Variants in DLG2 observed in about 807,000 individuals in gnomAD.
The protein encoded by DLG2 is disks large homolog 2.
DLG2 carries 45 observed loss-of-function variants against 132.5 expected under a neutral mutation model. The observed-to-expected ratio is 0.34, with a 90% CI of 0.27 to 0.44. DLG2 has a LOEUF of 0.44. DLG2 is among the 20% of genes least tolerant of loss of function. The pLI is 1.00. For missense variants in DLG2, 1,045 were observed against 1,196.9 expected (o/e 0.87, Z 1.87); for synonymous variants, 424 against 419.6 (o/e 1.01, Z -0.13).
intron 7 of DLG2, among the ~76,000 whole-genome samples, chr11:84,439,909 C>A (rs1182755620): frequency 1.3e-5 from 2 of 152,104 alleles, no homozygotes; most frequent in Non-Finnish European, 2.9e-5. Flanking sequence ...ACTTTCAAAC[C>A]ACTGATATCA....
At chr11:83,844,809 C>T (rs532190269) in intron 16 of DLG2, among the ~76,000 whole-genome samples, 1 of 152,122 alleles carries the variant, frequency 6.6e-6, no homozygotes, top group Admixed American at 6.5e-5. Flanking sequence ...GAGATGGGCT[C>T]ATCTGGCCAT....
intron 7 of DLG2, chr11:84,316,954 G>T (rs762528558): frequency 1.2e-6 from 2 of 1,612,596 alleles, no homozygotes; most frequent in East Asian, 2.2e-5. Flanking sequence ...TGGACCCCCC[G>T]GTCCTGTTTG....
Position 84,853,627 on chromosome 11 carries a change from C to T in DLG2, c.357+258034G>A, listed in dbSNP as rs573398932. ...CTAGGTCTTAGGAATTGGAGAAAAT[C>T]AGTCCAGCAAGATAATGCTTTCCTC... On this transcript the variant is annotated intron_variant, in intron 6 of 27. Transcript: ENST00000376104. 1.5e-3 allele frequency among the ~76,000 whole-genome samples: 223 copies of T among 152,116 alleles called. 2 individuals carry two copies. The highest frequency in any genetic ancestry group is 1.3e-4 in the Non-Finnish European group (9 of 67,956).
At chr11:84,575,328 C>G (rs1042746021) in intron 6 of DLG2, among the ~76,000 whole-genome samples, 6 of 152,050 alleles carry the variant, frequency 3.9e-5, no homozygotes, top group Non-Finnish European at 7.4e-5. Context: ...ATGCCTCCCC[C>G]ACACCCCCCA....
intron 7 of DLG2, among the ~76,000 whole-genome samples, chr11:84,486,546 G>A (rs867278648): frequency 2.6e-5 from 4 of 152,014 alleles, no homozygotes; most frequent in Non-Finnish European, 4.4e-5. Context: ...ATGTTTATGC[G>A]AGTGACAAGA....
intron 18 of DLG2, among the ~76,000 whole-genome samples, chr11:83,757,813 C>T (rs1232070692): frequency 6.6e-6 from 1 of 152,058 alleles, no homozygotes; most frequent in Non-Finnish European, 1.5e-5. Context: ...ATATAACTAC[C>T]ACCCCCTTCT....
chr11:84,914,452 G>C (rs1373434016), intron 6 of DLG2, among the ~76,000 whole-genome samples: 10 of 152,178 alleles, frequency 6.6e-5, no homozygotes, highest in African/African-American at 1.9e-4. Context: ...TTAGCAAATA[G>C]ATTTCTTTCA....
chr11:85,051,509 G>A (rs1324809244), intron 6 of DLG2, among the ~76,000 whole-genome samples: 2 of 152,082 alleles, frequency 1.3e-5, no homozygotes, highest in Non-Finnish European at 2.9e-5. Flanking sequence ...TATGCTAAGG[G>A]CTGGGAATAT....
Position 83,697,051 on chromosome 11 carries a change from T to C in DLG2, c.1826-63726A>G, listed in dbSNP as rs775328149. ...AAATTTTTCTGTGGGTGAGGTCCTA[T>C]ACTAGGTGTTCAACGTAAGAATAAC... On this transcript the variant is annotated intron_variant, in intron 18 of 27. Coordinates refer to ENST00000376104, the MANE Select transcript of DLG2 (RefSeq NM_001142699.3). 2.4e-4 allele frequency among the ~76,000 whole-genome samples: 37 copies of C among 152,342 alleles called. 1 individual carries two copies. The highest frequency in any genetic ancestry group is 3.4e-3 in the Middle Eastern group (1 of 294).
chr11:84,428,239 T>C (rs1032605922), intron 7 of DLG2, among the ~76,000 whole-genome samples: 2 of 152,194 alleles, frequency 1.3e-5, no homozygotes, highest in African/African-American at 4.8e-5. Flanking sequence ...GTGTTAACTC[T>C]GCTGAATCCA....
chr11:84,672,202 AC>A (rs1489260540), intron 6 of DLG2, among the ~76,000 whole-genome samples: 1 of 152,138 alleles, frequency 6.6e-6, no homozygotes, highest in African/African-American at 2.4e-5. Context: ...GATGCTAGTC[AC>A]CCAAAGTGGG....
chr11:84,233,928 T>G (rs980173086), intron 8 of DLG2, among the ~76,000 whole-genome samples: 4 of 152,146 alleles, frequency 2.6e-5, no homozygotes, highest in African/African-American at 9.7e-5. Context: ...TCCCAATAAA[T>G]AGCAAAAACC....
intron 14 of DLG2, among the ~76,000 whole-genome samples, chr11:83,937,070 A>G (rs75075714): frequency 1.3e-5 from 2 of 152,194 alleles, no homozygotes; most frequent in African/African-American, 4.8e-5. Flanking sequence ...ATTGATTTTT[A>G]AAAAATTTTT....
chr11:84,919,928 T>C (rs1464924679), intron 6 of DLG2, among the ~76,000 whole-genome samples: 3 of 152,290 alleles, frequency 2.0e-5, no homozygotes, highest in South Asian at 4.1e-4. Flanking sequence ...TAAAACTAAA[T>C]TGTATTTTGT....
intron 6 of DLG2, among the ~76,000 whole-genome samples, chr11:84,592,109 G>T (rs2099544767): frequency 1.3e-5 from 2 of 152,144 alleles, no homozygotes; most frequent in South Asian, 4.1e-4. Context: ...CCCTACCTCT[G>T]CCTCCCAAAG....
intron 7 of DLG2, among the ~76,000 whole-genome samples, chr11:84,470,796 G>A (rs181128446): frequency 2.0e-5 from 3 of 151,800 alleles, no homozygotes; most frequent in Non-Finnish European, 4.4e-5. Context: ...GGGCAAATTG[G>A]AAAGAACATT....
chr11:85,301,315 T>C (rs1333821157), intron 3 of DLG2, among the ~76,000 whole-genome samples: 1 of 152,170 alleles, frequency 6.6e-6, no homozygotes, highest in Non-Finnish European at 1.5e-5. Flanking sequence ...ACTCGGTTTT[T>C]AGGACCTTGA....
chr11:85,258,810 T>G (rs975053474), intron 4 of DLG2, among the ~76,000 whole-genome samples: 1 of 152,116 alleles, frequency 6.6e-6, no homozygotes, highest in African/African-American at 2.4e-5. Flanking sequence ...GAGGGGAGGC[T>G]CAAGCTCTGC....
intron 10 of DLG2, among the ~76,000 whole-genome samples, chr11:84,096,182 C>T (rs567932359): frequency 1.6e-4 from 24 of 152,044 alleles, no homozygotes; most frequent in African/African-American, 5.3e-4. Context: ...ATCATTAAGC[C>T]TTAATTTTCT....
Sources: allele counts gnomAD v4.1 joint callset (sites outside exome capture counted in the v4.1 genomes callset), GRCh38; gene constraint gnomAD v4.1.1; transcripts MANE v1.5; gene names NCBI Gene and HGNC (gene_info 2026-07-23, HGNC 2026-07-21).